The following KIAA1328 variants were observed in gnomAD, a reference collection of about 807,000 sequenced individuals.
The protein encoded by KIAA1328 is KIAA1328, also known as protein hinderin.
A neutral mutation model predicts 68.1 loss-of-function variants in KIAA1328; 52 were observed. The ratio of observed to expected loss-of-function variants is 0.76; its 90% confidence interval spans 0.61 to 0.96. The LOEUF is 0.96. KIAA1328 is among the 40% of genes least tolerant of loss of function. The pLI, the probability that KIAA1328 is intolerant of heterozygous loss-of-function variation, is 0.00. For missense variants in KIAA1328, 641 were observed against 677.6 expected (o/e 0.95, Z 0.60); for synonymous variants, 232 against 239.4 (o/e 0.97, Z 0.28).
chr18:36,927,956 G>A (rs1182507048), intron 5 of KIAA1328, among the ~76,000 whole-genome samples: 4 of 152,136 alleles, frequency 2.6e-5, no homozygotes, highest in Non-Finnish European at 5.9e-5. Flanking sequence ...GTAAGAACAA[G>A]TGGGTGTAAT....
At chr18:37,198,531 A>G (rs2060045803) in intron 9 of KIAA1328, among the ~76,000 whole-genome samples, 1 of 152,136 alleles carries the variant, frequency 6.6e-6, no homozygotes, top group African/African-American at 2.4e-5. Flanking sequence ...ATCAACTGAG[A>G]AATGGTTTGG....
At chr18:36,929,563 T>C (rs1294629492) in intron 5 of KIAA1328, among the ~76,000 whole-genome samples, 1 of 152,090 alleles carries the variant, frequency 6.6e-6, no homozygotes, top group Non-Finnish European at 1.5e-5. Context: ...GTAGGTGTTA[T>C]GCACTGAATA....
At chr18:36,954,676 G>T (rs1232923081) in intron 5 of KIAA1328, among the ~76,000 whole-genome samples, 1 of 145,826 alleles carries the variant, frequency 6.9e-6, no homozygotes, top group Non-Finnish European at 1.5e-5. Flanking sequence ...CTTCTGTAAA[G>T]AAAGACTTCA....
chr18:37,149,892 A>T (rs2058989279), intron 7 of KIAA1328, among the ~76,000 whole-genome samples: 1 of 152,204 alleles, frequency 6.6e-6, no homozygotes, highest in Non-Finnish European at 1.5e-5. Context: ...CTACTATGAA[A>T]AGAAAAAAAT....
intron 5 of KIAA1328, among the ~76,000 whole-genome samples, chr18:36,893,587 GC>G (rs1422658936): frequency 6.6e-6 from 1 of 151,700 alleles, no homozygotes; most frequent in African/African-American, 2.4e-5. Context: ...CTCCCAAAGT[GC>G]TAAGATTACA....
At chr18:37,020,978 A>G (rs1176370472) in intron 6 of KIAA1328, among the ~76,000 whole-genome samples, 1 of 152,200 alleles carries the variant, frequency 6.6e-6, no homozygotes, top group Non-Finnish European at 1.5e-5. Flanking sequence ...GCCTCATTTT[A>G]AAGTGTACCT....
intron 8 of KIAA1328, among the ~76,000 whole-genome samples, chr18:37,169,722 G>T (rs2154213264): frequency 6.6e-6 from 1 of 152,340 alleles, no homozygotes; most frequent in African/African-American, 2.4e-5. Context: ...AACTTGGTCT[G>T]TGCTTTACAG....
intron 7 of KIAA1328, among the ~76,000 whole-genome samples, chr18:37,079,289 A>G (rs55791372): frequency 2.8e-5 from 3 of 107,990 alleles, no homozygotes; most frequent in Non-Finnish European, 3.5e-5. Context: ...ATGAGAACAC[A>G]TGGACACAGG....
chr18:37,194,764 G>A (rs572140902), intron 9 of KIAA1328, among the ~76,000 whole-genome samples: 4 of 152,192 alleles, frequency 2.6e-5, no homozygotes, highest in East Asian at 3.9e-4. Flanking sequence ...GGGTTCAAGC[G>A]ATTTTCCTGC....
chr18:37,207,051 A>G (rs1008514275), intron 9 of KIAA1328, among the ~76,000 whole-genome samples: 4 of 152,192 alleles, frequency 2.6e-5, no homozygotes, highest in Non-Finnish European at 4.4e-5. Flanking sequence ...AGAGAATATG[A>G]TGGCAAAAAG....
At position 37,094,469 on chromosome 18, in the gene KIAA1328, G is replaced by A. The variant is rs2057349516; in HGVS notation, c.1232+26924G>A. Among the ~76,000 whole-genome samples the A allele has an allele frequency of 2.0e-5, 3 of 152,174 alleles. No individual in the cohort carries two copies. In the South Asian group the frequency reaches 6.2e-4, roughly 32 times the overall value. On this transcript the variant is annotated intron_variant, in intron 7 of 9. Coordinates refer to ENST00000280020, the MANE Select transcript of KIAA1328 (RefSeq NM_020776.3). ...GCCAATAACTGAGGGAATCCTTCAT[G>A]ACTCTCATTCACATGCTTAAGGGAG...
intron 5 of KIAA1328, chr18:36,886,255 G>A (rs1455452102): frequency 3.3e-5 from 5 of 152,252 alleles, no homozygotes. Flanking sequence ...GGGCATTGAA[G>A]TGTAGTGTTG....
intron 6 of KIAA1328, among the ~76,000 whole-genome samples, chr18:36,981,948 C>T (rs1009757372): frequency 4.6e-5 from 7 of 150,696 alleles, no homozygotes; most frequent in Admixed American, 1.3e-4. Flanking sequence ...TACACTGGAT[C>T]GGATTAATGG....
At position 37,191,686 on chromosome 18, in the gene KIAA1328, A is replaced by G. The variant is rs1210398478; in HGVS notation, c.1523+18605A>G. Among the ~76,000 whole-genome samples the G allele has an allele frequency of 3.9e-5, 6 of 152,190 alleles. No individual in the cohort carries two copies. In the East Asian group the frequency reaches 9.6e-4, roughly 24 times the overall value. ...ATCCCAAAAGGCTGCATGTTCCCCC[A>G]TCTCTAATTTTCATCTGATGTACTA... On this transcript the variant is annotated intron_variant, in intron 9 of 9. Transcript: ENST00000280020.
intron 6 of KIAA1328, among the ~76,000 whole-genome samples, chr18:37,035,402 G>T (rs887715764): frequency 6.6e-6 from 1 of 152,162 alleles, no homozygotes; most frequent in African/African-American, 2.4e-5. Flanking sequence ...AACCTTCCAG[G>T]TGAGTTTCAT....
At position 37,225,239 on chromosome 18, in the gene KIAA1328, T is replaced by G. The variant is rs1409861411; in HGVS notation, c.*3012T>G. 1 of 985,328 alleles carries G rather than the reference T, an allele frequency of 1.0e-6. No homozygotes were observed. The highest frequency in any genetic ancestry group is 1.1e-4 in the East Asian group (1 of 8,826). The allele number at this position is 985,328 out of a possible 1,614,324, so 61.0% of individuals were successfully genotyped here. On this transcript the variant is annotated 3_prime_UTR_variant, in exon 10 of 10. Transcript: ENST00000280020. ...TGGCGGACTCCTTCCAACTCACGAT[T>G]TATCCTCAGCTCAGAGTGTATTTTG...
chr18:37,190,766 G>A (rs997630844), intron 9 of KIAA1328, among the ~76,000 whole-genome samples: 3 of 152,158 alleles, frequency 2.0e-5, no homozygotes, highest in African/African-American at 7.2e-5. Flanking sequence ...GGGATGTGAG[G>A]TTTAATTACT....
At chr18:37,061,354 C>T (rs1210136021) in intron 6 of KIAA1328, among the ~76,000 whole-genome samples, 1 of 152,082 alleles carries the variant, frequency 6.6e-6, no homozygotes, top group East Asian at 1.9e-4. Flanking sequence ...CTAGAAAGGG[C>T]ACAAGGGAAC....
chr18:37,013,865 A>G (rs986566144), intron 6 of KIAA1328, among the ~76,000 whole-genome samples: 4 of 152,186 alleles, frequency 2.6e-5, no homozygotes, highest in East Asian at 1.9e-4. Flanking sequence ...ATACCCAGTA[A>G]TGGGATTGGT....
Sources: allele counts gnomAD v4.1 joint callset (sites outside exome capture counted in the v4.1 genomes callset), GRCh38; gene constraint gnomAD v4.1.1; transcripts MANE v1.5; gene names NCBI Gene and HGNC (gene_info 2026-07-23, HGNC 2026-07-21).